TEPSIN: variants seen among roughly 807,000 people sequenced by gnomAD.
The protein encoded by TEPSIN is TEPSIN adaptor related protein complex 4 accessory protein.
TEPSIN carries 50 observed loss-of-function variants against 48.5 expected under a neutral mutation model. The observed-to-expected ratio is 1.03, with a 90% CI of 0.82 to 1.31. TEPSIN has a LOEUF of 1.31. Among genes scored for constraint, TEPSIN ranks in the 50% most tolerant of loss-of-function variants. TEPSIN has a pLI of 0.00. For synonymous variants in TEPSIN, 392 were observed against 358.8 expected (o/e 1.09, Z -1.05); for missense variants, 838 against 815.9 (o/e 1.03, Z -0.33).
chr17:81,229,915 C>T, intron 12 of TEPSIN: 1 of 200,876 alleles, frequency 5.0e-6, no homozygotes, highest in Non-Finnish European at 1.0e-5. Flanking sequence ...TCACTCGTCG[C>T]TCTGACTGAA....
In TEPSIN at chr17:81,229,426, G is replaced by A. The variant is rs1381025406; in HGVS notation, c.1284C>T (p.Gly428=). The A allele has an allele frequency of 1.9e-6, 3 of 1,550,074 alleles. No individual in the cohort carries two copies. The highest frequency in any genetic ancestry group is 2.7e-5 in the African/African-American group (2 of 72,974). ...ASCGQLSPAR[G]TSAEPGPTAA... ...CTGTGGGGCCAGGCTCAGCTGAGGTGCCCCGGGCAGGGGACAGCTGCCCAC... is the reference window on the plus strand; with the variant it reads ...CTGTGGGGCCAGGCTCAGCTGAGGTACCCCGGGCAGGGGACAGCTGCCCAC... The change falls in exon 13 of 13, where the codon GGC becomes GGT. Residue 428 remains glycine (G), a synonymous_variant. Transcript: ENST00000637944.
intron 1 of TEPSIN, chr17:81,238,092 A>G (rs951651524): frequency 7.1e-6 from 7 of 986,818 alleles, no homozygotes; most frequent in Non-Finnish European, 7.2e-6. Context: ...GTTCAAGAGT[A>G]TTTAACAGGA....
Position 81,231,408 on chromosome 17 carries a change from C to A in TEPSIN, c.1088G>T (p.Cys363Phe). ...LTCHLRGTSE[C>F]TQLRALCAIA... ...GCGTGTGCAGCTCACCAGCTGCGTG[C>A]ATTCACTGGTCCCACGCAGGTGGCA... The change falls in exon 11 of 13, where the codon TGC becomes TTC. Residue 363 changes from cysteine to phenylalanine, a missense_variant. Coordinates refer to ENST00000637944, the MANE Select transcript of TEPSIN (RefSeq NM_001363764.2). The A allele has an allele frequency of 1.3e-6, 2 of 1,553,370 alleles. No homozygotes were observed. The highest frequency in any genetic ancestry group is 1.7e-6 in the Non-Finnish European group (2 of 1,148,788).
In TEPSIN at chr17:81,228,923, T is replaced by C. The variant is rs375714024; in HGVS notation, c.*5A>G. ...AGCTGAAGACTCCAGGGCCAGGCCA[T>C]CGGGTCAGGCGTTCAGGAACGCGAA... On this transcript the variant is annotated 3_prime_UTR_variant, in exon 13 of 13. Coordinates refer to ENST00000637944, the MANE Select transcript of TEPSIN (RefSeq NM_001363764.2). 10 of 1,612,502 alleles carry C rather than the reference T, an allele frequency of 6.2e-6. No individual in the cohort carries two copies. The highest frequency in any genetic ancestry group is 1.9e-4 in the Middle Eastern group (1 of 5,330).
Position 81,231,840 on chromosome 17 carries a change from C to T in TEPSIN, c.905+7G>A, listed in dbSNP as rs371959034. The T allele has an allele frequency of 1.8e-5, 29 of 1,612,518 alleles. No individual in the cohort carries two copies. Among genetic ancestry groups the T allele is most frequent in the Middle Eastern group, 3.3e-4 (2 of 6,076 alleles). ...CCTCTCCCACATATCTGGCAGCTCC[C>T]GCTCACCTTTCTGCCAGGTCACCCG... On this transcript the variant is annotated splice_region_variant and intron_variant, in intron 9 of 12. Transcript: ENST00000637944.
Position 81,233,708 on chromosome 17 carries a change from C to T in TEPSIN, c.384G>A (p.Gly128=), listed in dbSNP as rs964257217. Residue 128 remains glycine, a synonymous_variant, in exon 6 of 13, where the codon GGG becomes GGA. Transcript: ENST00000637944. This position sits in a 1 kb window ranked among gnomAD's most constrained non-coding sequence, Gnocchi z 5.8. ...ACACGGTGTCCGAGAACAGGGTGCT[C>T]CCCAAGTCCTACAGGGGGAGGCGAA... is the stretch of plus-strand genomic sequence containing the variant. ...QKVRAAAQDL[G]STLFSDTVLP... 7 of 1,597,882 alleles carry T rather than the reference C, an allele frequency of 4.4e-6. No individual in the cohort carries two copies. In the Admixed American group the frequency reaches 8.9e-5, roughly 20 times the overall value.
In TEPSIN at chr17:81,233,744, G is replaced by A. The variant is rs946350614; in HGVS notation, c.376-28C>T. ...ACAGGGGGAGGCGAAGGCCCTCAGT[G>A]TCCTCACACCAGGGCCTGCTGTACT... On this transcript the variant is annotated intron_variant, in intron 5 of 12. Coordinates refer to ENST00000637944, the MANE Select transcript of TEPSIN (RefSeq NM_001363764.2). This position sits in a 1 kb window ranked among gnomAD's most constrained non-coding sequence, Gnocchi z 5.8. 7 of 1,570,274 alleles carry A rather than the reference G, an allele frequency of 4.5e-6. No individual in the cohort carries two copies. The highest frequency in any genetic ancestry group is 1.3e-5 in the African/African-American group (1 of 74,708).
At chr17:81,238,808 G>T (rs2062772535) in intron 1 of TEPSIN, 178 bp downstream of exon 1, 6 of 1,329,318 alleles carry the variant, frequency 4.5e-6, no homozygotes, top group South Asian at 4.0e-5. Flanking sequence ...GGCTTGGAAG[G>T]CCCCGGGACG....
In TEPSIN at chr17:81,231,956, G is replaced by A; in HGVS notation, c.796C>T (p.Gln266Ter). The change falls in exon 9 of 13, where the codon CAG (glutamine) becomes TAG (stop). Residue 266 changes from glutamine to a stop codon, truncating the protein, a stop_gained. Coordinates refer to ENST00000637944, the MANE Select transcript of TEPSIN (RefSeq NM_001363764.2). LOFTEE classifies it high-confidence loss of function. ...AGGTCGCTGTTCTGGGAGGAATTCTGAGAGCTGGGGCCGCTGTCCAGCTCA... is the reference window on the plus strand; with the variant it reads ...AGGTCGCTGTTCTGGGAGGAATTCTAAGAGCTGGGGCCGCTGTCCAGCTCA... Reference protein sequence around the residue: ...WDELDSGPSSQNSSQNSDLSR... With the variant: ...WDELDSGPSS 1 of 1,613,382 alleles carries A rather than the reference G, an allele frequency of 6.2e-7. No individual in the cohort carries two copies. The highest frequency in any genetic ancestry group is 8.5e-7 in the Non-Finnish European group (1 of 1,179,958).
intron 1 of TEPSIN, chr17:81,238,218 T>C: frequency 1.0e-6 from 1 of 976,590 alleles, no homozygotes; most frequent in Non-Finnish European, 1.2e-6. Context: ...TGGACACGCA[T>C]CACTGACACT....
Position 81,239,023 on chromosome 17 carries a change from G to T in TEPSIN, c.11C>A (p.Ala4Glu). 6.7e-7 allele frequency: 1 copy of T among 1,490,320 alleles called. No individual in the cohort carries two copies. The highest frequency in any genetic ancestry group is 8.9e-7 in the Non-Finnish European group (1 of 1,125,160). 92.3% of individuals were successfully genotyped at this position (1,490,320 alleles called of 1,614,324 possible). A position where few individuals can be genotyped will look rare whatever the true frequency, so the allele number is the denominator to read the frequency against. Residue 4 changes from alanine (A) to glutamate (E), a missense_variant, in exon 1 of 13, where the codon GCG becomes GAG. Ala to Glu is a moderately radical substitution (Grantham distance 107). Transcript: ENST00000637944. ...GCTCAGGCGGTCCCGTAGCGGCGGC[G>T]CGGCAGCCATGATCCAGGTCCCCTC... MAA[A>E]PPLRDRLSFL...
At chr17:81,235,666 C>A (rs1032839052) in intron 4 of TEPSIN, among the ~76,000 whole-genome samples, 7 of 152,176 alleles carry the variant, frequency 4.6e-5, no homozygotes, top group African/African-American at 1.4e-4. Flanking sequence ...ACCACAGCCA[C>A]GGGAGTGGCC....
Position 81,233,975 on chromosome 17 carries a change from G to A in TEPSIN, c.375+6C>T. On this transcript the variant is annotated splice_donor_region_variant and intron_variant, in intron 5 of 12. Transcript: ENST00000637944. This position sits in a 1 kb window ranked among gnomAD's most constrained non-coding sequence, Gnocchi z 5.8. Reference sequence around the variant, plus strand: ...CCCCGCAGAGCGACACTGCTCCTGGGCTCACCTGCGCGGCCGCGCGAACCT... The same window carrying A: ...CCCCGCAGAGCGACACTGCTCCTGGACTCACCTGCGCGGCCGCGCGAACCT... The A allele has an allele frequency of 1.9e-6, 3 of 1,597,748 alleles. No homozygotes were observed. Among genetic ancestry groups the A allele is most frequent in the Non-Finnish European group, 2.6e-6 (3 of 1,175,416 alleles).
rs1187830397 is a variant in TEPSIN at position 81,229,478 on chromosome 17, T to TGAAAGAG, written c.1234-9_1234-3dup. ...GGAGGCCTCAAAGTGCCTCAGGATCTGAAAGAGGAAGGAGGAACCAGGGAG... is the reference window on the plus strand; with the variant it reads ...GGAGGCCTCAAAGTGCCTCAGGATCTGAAAGAGGAAAGAGGAAGGAGGAACCAGGGAG... On this transcript the variant is annotated splice_region_variant and splice_polypyrimidine_tract_variant and intron_variant, in intron 12 of 12. Coordinates refer to ENST00000637944, the MANE Select transcript of TEPSIN (RefSeq NM_001363764.2). 3.9e-6 allele frequency: 6 copies of TGAAAGAG among 1,548,780 alleles called. 1 individual carries two copies. The South Asian group carries it at 7.1e-5, about 18-fold the overall frequency.
At chr17:81,229,870 T>TTTTTA in intron 12 of TEPSIN, 3 of 255,094 alleles carry the variant, frequency 1.2e-5, no homozygotes, top group Admixed American at 5.4e-5. Context: ...GAAACCCCAC[T>TTTTTA]ATGAGGTTCG....
In TEPSIN at chr17:81,230,890, G is replaced by T; in HGVS notation, c.1099-212C>A. On this transcript the variant is annotated intron_variant, in intron 11 of 12. Transcript: ENST00000637944. This position sits in a 1 kb window ranked among gnomAD's most constrained non-coding sequence, Gnocchi z 4.2. ...CCTGTCCTCACCACCTTACACCCCC[G>T]CTCCCAGACACCAGAGCCCTGTCTT... The T allele has an allele frequency of 1.7e-6, 1 of 581,500 alleles. No homozygotes were observed. Among genetic ancestry groups the T allele is most frequent in the Non-Finnish European group, 2.8e-6 (1 of 351,694 alleles). The allele number at this position is 581,500 out of a possible 1,614,324, so 36.0% of individuals were successfully genotyped here.
chr17:81,232,727 A>C (rs987650786), intron 7 of TEPSIN: 10 of 564,782 alleles, frequency 1.8e-5, no homozygotes, highest in Middle Eastern at 4.5e-4. Flanking sequence ...GTGGGCCTGG[A>C]CACCAAAGCT....
At chr17:81,229,517 C>A (rs769458590) in intron 12 of TEPSIN, 41 bp from the exon 13 acceptor site, 2 of 1,545,464 alleles carry the variant, frequency 1.3e-6, no homozygotes, top group South Asian at 2.4e-5. Flanking sequence ...CCTATGCAAC[C>A]CTGGGAAATG....
rs767724152 is a variant in TEPSIN, at chr17:81,230,683, G to T, written c.1099-5C>A. The T allele has an allele frequency of 3.3e-6, 5 of 1,534,378 alleles. No homozygotes were observed. The African/African-American group carries it at 5.5e-5, about 17-fold the overall frequency. On this transcript the variant is annotated splice_polypyrimidine_tract_variant and splice_region_variant and intron_variant, in intron 11 of 12. Transcript: ENST00000637944. This position sits in a 1 kb window ranked among gnomAD's most constrained non-coding sequence, Gnocchi z 4.2. ...GGCGATGGCACACAGCGCCCTCTGC[G>T]GGTGAAGGGAGGGGACATCAGCACC...
Sources: gnomAD v4.1 joint callset for allele counts (sites outside exome capture counted in the v4.1 genomes callset) on GRCh38, gnomAD v4.1.1 for gene constraint, Gnocchi (gnomAD v3.1) non-coding constraint, MANE v1.5 for transcripts, NCBI Gene and HGNC (gene_info 2026-07-23, HGNC 2026-07-21) for gene names.